The following REDIC1 variants were observed in gnomAD, a reference collection of about 807,000 sequenced individuals.
REDIC1 encodes HEI10 Interacting Protein 1.
chr12:39,782,919 G>A, the REDIC1 span, among the ~76,000 whole-genome samples: 1 of 152,092 alleles, frequency 6.6e-6, no homozygotes, highest in African/African-American at 2.4e-5. Flanking sequence ...TGTGCACAAT[G>A]TGCAGGTTTG....
the REDIC1 span, among the ~76,000 whole-genome samples, chr12:39,891,547 G>A: frequency 6.6e-6 from 1 of 152,120 alleles, no homozygotes; most frequent in African/African-American, 2.4e-5. Context: ...AATTCTAGGA[G>A]TCGTGAAATG....
the REDIC1 span, chr12:39,646,558 C>A: frequency 2.4e-6 from 3 of 1,226,650 alleles, no homozygotes; most frequent in African/African-American, 1.6e-5. Context: ...TACCTTCTAC[C>A]CCCAGTTTTT....
the REDIC1 span, among the ~76,000 whole-genome samples, chr12:39,689,140 A>G: frequency 6.6e-6 from 1 of 152,200 alleles, no homozygotes; most frequent in South Asian, 2.1e-4. Flanking sequence ...GTTAAGGCTT[A>G]TAAGAAAAGG....
chr12:39,727,255 G>T, the REDIC1 span, among the ~76,000 whole-genome samples: 1 of 152,202 alleles, frequency 6.6e-6, no homozygotes, highest in East Asian at 1.9e-4. Context: ...TATTGCCTAG[G>T]TTTTCTTCTA....
At chr12:39,889,402 T>C in the REDIC1 span, among the ~76,000 whole-genome samples, 1 of 152,116 alleles carries the variant, frequency 6.6e-6, no homozygotes, top group Non-Finnish European at 1.5e-5. Context: ...AATATAGCCT[T>C]ATACTCTAAC....
chr12:39,669,277 G>T, the REDIC1 span, among the ~76,000 whole-genome samples: 2 of 152,294 alleles, frequency 1.3e-5, no homozygotes, highest in Non-Finnish European at 1.5e-5. Context: ...TAACAGTCAG[G>T]ACCCTCAGCT....
chr12:39,881,734 T>C, the REDIC1 span, among the ~76,000 whole-genome samples: 16 of 152,188 alleles, frequency 1.1e-4, no homozygotes, highest in Non-Finnish European at 2.1e-4. Flanking sequence ...TTTTCTCTCA[T>C]ATTTTAGATA....
the REDIC1 span, among the ~76,000 whole-genome samples, chr12:39,805,873 G>C: frequency 1.2e-4 from 18 of 152,264 alleles, no homozygotes; most frequent in African/African-American, 3.8e-4. Flanking sequence ...GGAAACACAG[G>C]AAGAGATCAG....
chr12:39,699,974 C>T, the REDIC1 span, among the ~76,000 whole-genome samples: 1 of 151,890 alleles, frequency 6.6e-6, no homozygotes, highest in Admixed American at 6.6e-5. Flanking sequence ...GTAGATAAAA[C>T]CACAAAGATG....
chr12:39,706,637 A>G, the REDIC1 span, among the ~76,000 whole-genome samples: 1 of 151,972 alleles, frequency 6.6e-6, no homozygotes, highest in African/African-American at 2.4e-5. Context: ...CCAAAACAGC[A>G]TGGTACCAGC....
the REDIC1 span, among the ~76,000 whole-genome samples, chr12:39,712,694 TACGTGTATATATGTATATAG>T: frequency 7.9e-4 from 3 of 3,802 alleles, no homozygotes; most frequent in Non-Finnish European, 2.0e-3. Context: ...TATATACGTA[TACGTGTATATATGTATATAG>T]ACGTATACGT....
chr12:39,749,679 G>C, the REDIC1 span, among the ~76,000 whole-genome samples: 4 of 152,140 alleles, frequency 2.6e-5, no homozygotes, highest in Non-Finnish European at 5.9e-5. Flanking sequence ...TAAAATACTG[G>C]CAAACCAAAT....
At chr12:39,658,913 T>C in the REDIC1 span, among the ~76,000 whole-genome samples, 1 of 152,106 alleles carries the variant, frequency 6.6e-6, no homozygotes, top group Admixed American at 6.5e-5. Context: ...AACCCAATAA[T>C]GCATTGTTGT....
the REDIC1 span, among the ~76,000 whole-genome samples, chr12:39,853,613 T>A: frequency 2.0e-5 from 3 of 151,812 alleles, no homozygotes; most frequent in Non-Finnish European, 4.4e-5. Flanking sequence ...CTTTCTTTTT[T>A]TTTTTGTTAA....
At chr12:39,766,061 T>A in the REDIC1 span, among the ~76,000 whole-genome samples, 1 of 152,132 alleles carries the variant, frequency 6.6e-6, no homozygotes, top group Non-Finnish European at 1.5e-5. Flanking sequence ...CACTTTATAG[T>A]TTCCTTGATT....
chr12:39,834,254 T>C, the REDIC1 span, among the ~76,000 whole-genome samples: 7 of 152,214 alleles, frequency 4.6e-5, no homozygotes, highest in Admixed American at 2.6e-4. Context: ...ATATTATTTT[T>C]TCTCCCTTAC....
chr12:39,728,951 G>A, the REDIC1 span, among the ~76,000 whole-genome samples: 3 of 152,004 alleles, frequency 2.0e-5, no homozygotes, highest in East Asian at 1.9e-4. Flanking sequence ...TCTGCATAGA[G>A]GTGTTTATAG....
chr12:39,836,135 A>G, the REDIC1 span, among the ~76,000 whole-genome samples: 1 of 152,120 alleles, frequency 6.6e-6, no homozygotes. Flanking sequence ...AAAGGACATT[A>G]CAATATTTAG....
chr12:39,639,165 G>A, the REDIC1 span, among the ~76,000 whole-genome samples: 2 of 151,944 alleles, frequency 1.3e-5, no homozygotes, highest in Non-Finnish European at 2.9e-5. Context: ...GTCCTCCTTA[G>A]TCTTAGCAAA....
Sources: gnomAD v4.1 joint callset for allele counts (sites outside exome capture counted in the v4.1 genomes callset) on GRCh38, gnomAD v4.1.1 for gene constraint, MANE v1.5 for transcripts, NCBI Gene and HGNC (gene_info 2026-07-23, HGNC 2026-07-21) for gene names.